SLC25A42: variants seen among roughly 807,000 people sequenced by gnomAD.
The protein encoded by SLC25A42 is mitochondrial coenzyme A transporter SLC25A42.
SLC25A42 carries 19 observed loss-of-function variants against 34.7 expected under a neutral mutation model. The ratio of observed to expected loss-of-function variants is 0.55; its 90% CI spans 0.38 to 0.80. SLC25A42 has a LOEUF of 0.80. Among genes scored for constraint, SLC25A42 ranks in the 30% least tolerant of loss-of-function variants. The pLI is 0.00. For synonymous variants in SLC25A42, 205 were observed against 191.2 expected (o/e 1.07, Z -0.59); for missense variants, 364 against 441.3 (o/e 0.82, Z 1.57).
In SLC25A42 at chr19:19,103,885, CTTATTTATTTATTTATTTAT is replaced by C. The variant is rs3040514; in HGVS notation, c.188-1008_188-989del. 4.9e-3 allele frequency among the ~76,000 whole-genome samples: 730 copies of C among 148,528 alleles called. 9 individuals are homozygous for C. The highest frequency in any genetic ancestry group is 0.021 in the Middle Eastern group (6 of 292). On this transcript the variant is annotated intron_variant, in intron 3 of 7. Transcript: ENST00000318596. ...CTGGCAGGCCTTCGAAAGGGACAGCCTTATTTATTTATTTATTTATTTATTTATTTATTTATTTAGAGACA... is the reference window on the plus strand; with the variant it reads ...CTGGCAGGCCTTCGAAAGGGACAGCCTTATTTATTTATTTATTTAGAGACA...
intron 1 of SLC25A42, among the ~76,000 whole-genome samples, chr19:19,077,048 G>A (rs192085447): frequency 1.2e-4 from 18 of 152,198 alleles, no homozygotes; most frequent in African/African-American, 4.1e-4. Context: ...GCTGCGCATG[G>A]TGGCCCACAC....
At chr19:19,107,626 C>T (rs1027203628) in intron 6 of SLC25A42, among the ~76,000 whole-genome samples, 6 of 152,098 alleles carry the variant, frequency 3.9e-5, no homozygotes, top group Middle Eastern at 3.4e-3. Context: ...GGGAGACTGT[C>T]TCAAAACAAA....
chr19:19,086,689 G>A (rs140211234), intron 1 of SLC25A42, among the ~76,000 whole-genome samples: 2,984 of 152,070 alleles, frequency 0.02, 34 homozygotes, highest in Non-Finnish European at 0.027. Flanking sequence ...CACCCAGGCT[G>A]GAGTGCAGTG....
chr19:19,072,248 C>T (rs1252492743), intron 1 of SLC25A42, among the ~76,000 whole-genome samples: 9 of 152,352 alleles, frequency 5.9e-5, no homozygotes. Context: ...TGGGATTTGC[C>T]CCAGCCCTGT....
intron 1 of SLC25A42, among the ~76,000 whole-genome samples, chr19:19,077,489 C>T (rs755148342): frequency 6.6e-6 from 1 of 152,192 alleles, no homozygotes; most frequent in African/African-American, 2.4e-5. Flanking sequence ...GCTCATTTCA[C>T]TCAGCATGAC....
At chr19:19,095,092 T>TTGAGAGGC (rs1462203146) in intron 1 of SLC25A42, among the ~76,000 whole-genome samples, 1 of 151,904 alleles carries the variant, frequency 6.6e-6, no homozygotes, top group Non-Finnish European at 1.5e-5. Flanking sequence ...TCCCAGGTAC[T>TTGAGAGGC]TGAGAGGCTG....
chr19:19,091,097 C>A (rs907598368), intron 1 of SLC25A42, among the ~76,000 whole-genome samples: 3 of 152,194 alleles, frequency 2.0e-5, no homozygotes, highest in African/African-American at 7.2e-5. Flanking sequence ...TCCCCCAGTT[C>A]TGCGGTCTGT....
In SLC25A42 at chr19:19,096,256, C is replaced by CTGGGATGGGTGTTCTCCTGGGG. The variant is rs778567635; in HGVS notation, c.81+51_81+52insTGGGATGGGTGTTCTCCTGGGG. 6.3e-6 allele frequency: 8 copies of CTGGGATGGGTGTTCTCCTGGGG among 1,274,030 alleles called. No homozygotes were observed. The African/African-American group carries it at 9.3e-5, about 15-fold the overall frequency. 78.9% of individuals were successfully genotyped at this position (1,274,030 alleles called of 1,614,324 possible). On this transcript the variant is annotated intron_variant, in intron 2 of 7. Transcript: ENST00000318596. ...GGTGTTCTCCTGGGGCCCCAGCCTC[C>CTGGGATGGGTGTTCTCCTGGGG]CCACCCCCCCTCCCAGGCTCCCTGC...
Position 19,105,720 on chromosome 19 carries a change from C to A in SLC25A42, c.373C>A (p.Arg125Ser). 6.3e-7 allele frequency: 1 copy of A among 1,575,520 alleles called. No homozygotes were observed. Among genetic ancestry groups the A allele is most frequent in the Non-Finnish European group, 8.6e-7 (1 of 1,157,862 alleles). Residue 125 changes from arginine (R) to serine (S), a missense_variant, in exon 5 of 8, where the codon CGT becomes AGT. Coordinates refer to ENST00000318596, the MANE Select transcript of SLC25A42 (RefSeq NM_178526.5). ...KRILGSYYGFRGEALPPWPRL... is the reference protein window; with the variant it reads ...KRILGSYYGFSGEALPPWPRL... ...CATCCTGGGCAGCTACTATGGCTTC[C>A]GTGGAGAGTGAGGCCCCGCCCCGCC...
chr19:19,078,915 G>A (rs982329560), intron 1 of SLC25A42, among the ~76,000 whole-genome samples: 5 of 150,852 alleles, frequency 3.3e-5, no homozygotes, highest in African/African-American at 4.9e-5. Flanking sequence ...GCAGTGGCGC[G>A]CTCTTGGCTC....
rs2145910245 is a variant in SLC25A42, at chr19:19,088,436, G to A, written c.-34-7655G>A. Among the ~76,000 whole-genome samples the A allele has an allele frequency of 2.0e-5, 3 of 152,064 alleles. No individual in the cohort carries two copies. In the East Asian group the frequency reaches 5.8e-4, roughly 29 times the overall value. ...TTAGCCAGGATGGACTCGATCTCCT[G>A]ACCTCGTGATCTGCCTGCGTCGGCC... On this transcript the variant is annotated intron_variant, in intron 1 of 7. Coordinates refer to ENST00000318596, the MANE Select transcript of SLC25A42 (RefSeq NM_178526.5).
chr19:19,102,419 C>T (rs2059802836), intron 3 of SLC25A42, among the ~76,000 whole-genome samples: 1 of 152,034 alleles, frequency 6.6e-6, no homozygotes, highest in South Asian at 2.1e-4. Context: ...CTCCACTGCA[C>T]TCAATTGGGT....
rs547952273 is a variant in SLC25A42, at chr19:19,093,258, C to T, written c.-34-2833C>T. ...CTCAAACTCCTGGGCTCAAGCGATC[C>T]TCCTACCTCAGCCTCTCAAAGTGCT... is the stretch of plus-strand genomic sequence containing the variant. On this transcript the variant is annotated intron_variant, in intron 1 of 7. Transcript: ENST00000318596. 2.0e-5 allele frequency among the ~76,000 whole-genome samples: 3 copies of T among 152,272 alleles called. No homozygotes were observed. The South Asian group carries it at 6.2e-4, about 32-fold the overall frequency.
At chr19:19,101,534 C>G (rs1050678913) in intron 2 of SLC25A42, among the ~76,000 whole-genome samples, 3 of 152,290 alleles carry the variant, frequency 2.0e-5, no homozygotes, top group African/African-American at 7.2e-5. Context: ...GAATGTGAAA[C>G]CTGCACACCT....
rs552059174 is a variant in SLC25A42, at chr19:19,103,881, C to T, written c.188-1032C>T. Among the ~76,000 whole-genome samples, 95 of 129,512 alleles carry T rather than the reference C, an allele frequency of 7.3e-4. 1 individual carries two copies. In the South Asian group the frequency reaches 0.023, roughly 32 times the overall value. 85.0% of individuals were successfully genotyped at this position (129,512 alleles called of 152,430 possible). A position where few individuals can be genotyped will look rare whatever the true frequency, so the allele number is the denominator to read the frequency against. ...TGAGCTGGCAGGCCTTCGAAAGGGACAGCCTTATTTATTTATTTATTTATT... is the reference window on the plus strand; with the variant it reads ...TGAGCTGGCAGGCCTTCGAAAGGGATAGCCTTATTTATTTATTTATTTATT... On this transcript the variant is annotated intron_variant, in intron 3 of 7. Coordinates refer to ENST00000318596, the MANE Select transcript of SLC25A42 (RefSeq NM_178526.5).
At position 19,110,759 on chromosome 19, in the gene SLC25A42, C is replaced by T. The variant is rs2059859602; in HGVS notation, c.840C>T (p.Ala280=). Residue 280 remains alanine, a synonymous_variant, in exon 8 of 8, where the codon GCC becomes GCT. Transcript: ENST00000318596. ...GCACCATCGTGCGGGAGGAGGGCGCCGTGCGCGGCCTCTACAAAGGCTTGA... is the reference window on the plus strand; with the variant it reads ...GCACCATCGTGCGGGAGGAGGGCGCTGTGCGCGGCCTCTACAAAGGCTTGA... ...TLRTIVREEG[A]VRGLYKGLSM... is the part of the protein sequence containing the mutation. 24 of 1,612,946 alleles carry T rather than the reference C, an allele frequency of 1.5e-5. No individual in the cohort carries two copies. Among genetic ancestry groups the T allele is most frequent in the African/African-American group, 2.7e-5 (2 of 74,918 alleles).
At position 19,112,631 on chromosome 19, in the gene SLC25A42, C is replaced by G. The variant is rs2059872110; in HGVS notation, c.*1755C>G. ...GGGGTAGGTGGGAGGGTCCCCCAGTCCCTGCTGACCCCAGTGTGTCTCCCC... is the reference window on the plus strand; with the variant it reads ...GGGGTAGGTGGGAGGGTCCCCCAGTGCCTGCTGACCCCAGTGTGTCTCCCC... On this transcript the variant is annotated 3_prime_UTR_variant, in exon 8 of 8. Transcript: ENST00000318596. The surrounding 1 kb of genome is among the most constrained non-coding windows in gnomAD (Gnocchi z 4.3). The G allele has an allele frequency of 6.5e-6, 1 of 152,672 alleles. No homozygotes were observed. The allele number at this position is 152,672 out of a possible 1,614,324, so 9.5% of individuals were successfully genotyped here.
At chr19:19,070,564 G>A (rs2059624954) in intron 1 of SLC25A42, among the ~76,000 whole-genome samples, 1 of 152,064 alleles carries the variant, frequency 6.6e-6, no homozygotes, top group African/African-American at 2.4e-5. Context: ...CAAAGTGCTG[G>A]GATTACAGAT....
Position 19,109,470 on chromosome 19 carries a change from G to A in SLC25A42, c.650-1099G>A, listed in dbSNP as rs538672543. ...TTTTGAGACGGAGTCTCACTCTGCC[G>A]CCCAGGCTGGAGTGCAGTGGAACGA... On this transcript the variant is annotated intron_variant, in intron 7 of 7. Transcript: ENST00000318596. The surrounding 1 kb of genome is among the most constrained non-coding windows in gnomAD (Gnocchi z 4.1). Among the ~76,000 whole-genome samples the A allele has an allele frequency of 4.6e-5, 7 of 152,046 alleles. No homozygotes were observed. Among genetic ancestry groups the A allele is most frequent in the African/African-American group, 7.2e-5 (3 of 41,398 alleles).
Sources: gnomAD v4.1 joint callset for allele counts (sites outside exome capture counted in the v4.1 genomes callset) on GRCh38, gnomAD v4.1.1 for gene constraint, Gnocchi (gnomAD v3.1) non-coding constraint, MANE v1.5 for transcripts, NCBI Gene and HGNC (gene_info 2026-07-23, HGNC 2026-07-21) for gene names.